The following EVA1A variants were observed in gnomAD, a reference collection of about 807,000 sequenced individuals.
EVA1A encodes protein eva-1 homolog A.
EVA1A carries 7 observed loss-of-function variants against 9.8 expected under a neutral mutation model. That is an observed-to-expected ratio of 0.71 (90% CI 0.41 to 1.34). The LOEUF is 1.34. Ranked by LOEUF, EVA1A falls within the 40% of genes most tolerant of loss-of-function variation. The probability of loss-of-function intolerance (pLI) is 0.01; values close to 1 mark genes in which losing one functional copy is unlikely to be tolerated. For missense variants in EVA1A, 206 were observed against 205.9 expected (o/e 1.00, Z 0.00); for synonymous variants, 90 against 85.6 (o/e 1.05, Z -0.28).
chr2:75,565,823 A>T (rs2094410420), upstream of EVA1A, among the ~76,000 whole-genome samples: 1 of 152,262 alleles, frequency 6.6e-6, no homozygotes, highest in African/African-American at 2.4e-5. Flanking sequence ...TAATGATGTC[A>T]CTTTAGGAAA....
chr2:75,533,745 G>C lies in EVA1A; in HGVS notation c.-191-11258C>G, dbSNP rs1016071049. Among the ~76,000 whole-genome samples, 4 of 151,416 alleles carry C rather than the reference G, an allele frequency of 2.6e-5. No homozygotes were observed. In the South Asian group the frequency reaches 6.3e-4, roughly 24 times the overall value. ...TGAGACCAGGAGTTTTGACCAGCCT[G>C]GGCAACATGGTGAGACCCCAATCTC... On this transcript the variant is annotated intron_variant, in intron 1 of 3. Transcript: ENST00000393913.
chr2:75,507,707 C>G (rs1160107667), intron 3 of EVA1A, among the ~76,000 whole-genome samples: 3 of 152,136 alleles, frequency 2.0e-5, no homozygotes, highest in Non-Finnish European at 4.4e-5. Context: ...CCAAAACGGC[C>G]CTTCAGAATT....
intron 1 of EVA1A, among the ~76,000 whole-genome samples, chr2:75,535,653 G>A (rs1675856733): frequency 6.6e-6 from 1 of 152,182 alleles, no homozygotes; most frequent in African/African-American, 2.4e-5. Flanking sequence ...TAGAACTGGA[G>A]GCCATTATCC....
At chr2:75,523,470 G>A (rs770814020) in intron 1 of EVA1A, among the ~76,000 whole-genome samples, 5 of 152,270 alleles carry the variant, frequency 3.3e-5, no homozygotes, top group South Asian at 2.1e-4. Context: ...TTATATCACC[G>A]GCTGGGGAGA....
chr2:75,527,024 C>T (rs1675469958), intron 1 of EVA1A, among the ~76,000 whole-genome samples: 1 of 152,158 alleles, frequency 6.6e-6, no homozygotes, highest in Non-Finnish European at 1.5e-5. Flanking sequence ...AGAAACCCAA[C>T]ACAACTGGTG....
intron 1 of EVA1A, among the ~76,000 whole-genome samples, chr2:75,554,432 G>C (rs1676628417): frequency 6.6e-6 from 1 of 152,190 alleles, no homozygotes; most frequent in Admixed American, 6.5e-5. Context: ...CAGATGCCAG[G>C]CTGGGGAGAA....
chr2:75,526,006 A>T (rs1309569918), intron 1 of EVA1A: 1 of 152,250 alleles, frequency 6.6e-6, no homozygotes, highest in Non-Finnish European at 1.5e-5. Flanking sequence ...CTTGTCTTAA[A>T]TCAATAAATA....
At chr2:75,506,552 T>C (rs72912389) in intron 3 of EVA1A, among the ~76,000 whole-genome samples, 1,589 of 152,298 alleles carry the variant, frequency 0.01, 34 homozygotes, top group African/African-American at 0.037. Context: ...CTGAAACCTT[T>C]TGCAGATTAA....
chr2:75,561,384 T>C (rs1435976668), upstream of EVA1A: 1 of 152,048 alleles, frequency 6.6e-6, no homozygotes, highest in Non-Finnish European at 1.5e-5. Flanking sequence ...CTTTTTTTTT[T>C]TTTTTTTTCT....
chr2:75,541,176 C>T (rs1367631268), intron 1 of EVA1A, among the ~76,000 whole-genome samples: 1 of 152,202 alleles, frequency 6.6e-6, no homozygotes, highest in Non-Finnish European at 1.5e-5. Context: ...AGCCAACCTG[C>T]AGAGCTTTAA....
chr2:75,494,023 T>C (rs1674120089), intron 3 of EVA1A, among the ~76,000 whole-genome samples: 3 of 152,178 alleles, frequency 2.0e-5, no homozygotes, highest in South Asian at 4.1e-4. Flanking sequence ...TGAATTACCC[T>C]TTCATCACAG....
chr2:75,499,547 G>T (rs912653207), intron 3 of EVA1A, among the ~76,000 whole-genome samples: 2 of 152,182 alleles, frequency 1.3e-5, no homozygotes, highest in African/African-American at 4.8e-5. Flanking sequence ...AATGGGTTCT[G>T]CTGTTTATCA....
intron 1 of EVA1A, among the ~76,000 whole-genome samples, chr2:75,537,099 AT>A (rs1474234226): frequency 6.6e-6 from 1 of 151,994 alleles, no homozygotes; most frequent in Non-Finnish European, 1.5e-5. Context: ...TATAAAAAGG[AT>A]TTTTTTTCGT....
upstream of EVA1A, among the ~76,000 whole-genome samples, chr2:75,561,537 T>G (rs1484760817): frequency 6.6e-6 from 1 of 151,832 alleles, no homozygotes; most frequent in Non-Finnish European, 1.5e-5. Context: ...TTATTGAGAG[T>G]GATGGGCGCT....
chr2:75,565,699 G>T (rs1380897933), upstream of EVA1A, among the ~76,000 whole-genome samples: 2 of 152,132 alleles, frequency 1.3e-5, no homozygotes, highest in Non-Finnish European at 2.9e-5. Flanking sequence ...TGATCTCCAG[G>T]AGTGATGGAG....
At chr2:75,549,140 A>G (rs902650952) in intron 1 of EVA1A, among the ~76,000 whole-genome samples, 2 of 151,888 alleles carry the variant, frequency 1.3e-5, no homozygotes, top group African/African-American at 4.8e-5. Context: ...AGAAGGTTGG[A>G]TGGGCAGAAG....
intron 1 of EVA1A, among the ~76,000 whole-genome samples, chr2:75,560,454 A>G (rs1307067768): frequency 6.6e-6 from 1 of 152,172 alleles, no homozygotes; most frequent in Non-Finnish European, 1.5e-5. Context: ...GAGAGAAGAA[A>G]CAGGAAAGTG....
chr2:75,531,411 G>A (rs192587236), intron 1 of EVA1A, among the ~76,000 whole-genome samples: 32 of 152,278 alleles, frequency 2.1e-4, no homozygotes, highest in Non-Finnish European at 3.2e-4. Flanking sequence ...CATCTACCCA[G>A]AGGAAAATGT....
At chr2:75,567,811 G>A (rs938002833) in intron 1 of EVA1A, among the ~76,000 whole-genome samples, 3 of 152,142 alleles carry the variant, frequency 2.0e-5, no homozygotes, top group African/African-American at 7.2e-5. Flanking sequence ...CAACCAGTCG[G>A]TCTCCTGTGT....
Sources: gnomAD v4.1 joint callset for allele counts (sites outside exome capture counted in the v4.1 genomes callset) on GRCh38, gnomAD v4.1.1 for gene constraint, MANE v1.5 for transcripts, NCBI Gene and HGNC (gene_info 2026-07-23, HGNC 2026-07-21) for gene names.